The following UNKL variants were observed in gnomAD, a reference collection of about 807,000 sequenced individuals.
The protein encoded by UNKL is putative E3 ubiquitin-protein ligase UNKL.
A neutral mutation model predicts 78.0 loss-of-function variants in UNKL; 60 were observed. The observed-to-expected ratio is 0.77, with a 90% CI of 0.63 to 0.95. The LOEUF is 0.95. UNKL is among the 40% of genes least tolerant of loss of function. The pLI is 0.00. For missense variants in UNKL, 1,159 were observed against 1,045.7 expected (o/e 1.11, Z -1.49); for synonymous variants, 608 against 474.8 (o/e 1.28, Z -3.65).
Position 1,366,317 on chromosome 16 carries a change from G to A in UNKL, c.2125C>T (p.His709Tyr). The A allele has an allele frequency of 6.2e-7, 1 of 1,603,088 alleles. No individual in the cohort carries two copies. The highest frequency in any genetic ancestry group is 8.5e-7 in the Non-Finnish European group (1 of 1,176,100). The change falls in exon 15 of 15, where the codon CAC (histidine) becomes TAC (tyrosine). Residue 709 changes from histidine (H) to tyrosine (Y), a missense_variant. His to Tyr is a moderately conservative substitution (Grantham distance 83). Transcript: ENST00000389221. ...AHGAVLRPCQ[H>Y]HILCEPCAAT... is the part of the protein sequence containing the mutation. ...GCACACGGCTCACAGAGGATGTGGT[G>A]CTGACAGGGCCGCAGGACAGCACCG...
In UNKL at chr16:1,404,434, G is replaced by C. The variant is rs1177965424; in HGVS notation, c.288-1090C>G. On this transcript the variant is annotated intron_variant, in intron 2 of 14. Transcript: ENST00000389221. ...TCTAAGGTCAGGAAACAGAGACACA[G>C]AGTTCAGAGAGGCCGACCCAGGCTC... Among the ~76,000 whole-genome samples, 4 of 152,228 alleles carry C rather than the reference G, an allele frequency of 2.6e-5. No individual in the cohort carries two copies. The East Asian group carries it at 7.7e-4, about 29-fold the overall frequency.
In UNKL at chr16:1,403,268, T is replaced by C. The variant is rs764420372; in HGVS notation, c.364A>G (p.Ile122Val). 4 of 1,614,102 alleles carry C rather than the reference T, an allele frequency of 2.5e-6. No individual in the cohort carries two copies. The highest frequency in any genetic ancestry group is 3.4e-6 in the Non-Finnish European group (4 of 1,180,042). ...TGGCCACGTGCGTCTGTCTCGTGGA[T>C]GCAGGTTCCTGTTTTGTAGTAACGC... is the stretch of plus-strand genomic sequence containing the variant. ...HLRYYKTGTC[I>V]HETDARGHCV... The change falls in exon 3 of 15, where the codon ATC becomes GTC. Residue 122 changes from isoleucine to valine, a missense_variant. Ile to Val is a conservative substitution (Grantham distance 29). Coordinates refer to ENST00000389221, the MANE Select transcript of UNKL (RefSeq NM_001372107.1). This position sits in a 1 kb window ranked among gnomAD's most constrained non-coding sequence, Gnocchi z 4.8.
At chr16:1,391,025 C>T (rs1250119884) in intron 8 of UNKL, among the ~76,000 whole-genome samples, 4 of 151,762 alleles carry the variant, frequency 2.6e-5, no homozygotes, top group Non-Finnish European at 4.4e-5. Flanking sequence ...AGTGAAACTC[C>T]GTCTCAAAAA....
chr16:1,394,315 C>G (rs764933580), intron 6 of UNKL, 100 bp from the exon 7 acceptor site: 260 of 1,373,082 alleles, frequency 1.9e-4, no homozygotes, highest in Non-Finnish European at 2.5e-4. Context: ...AGCTCCAAAT[C>G]GTAACAAGAC....
intron 11 of UNKL, among the ~76,000 whole-genome samples, chr16:1,371,190 C>T (rs922284395): frequency 1.3e-5 from 2 of 152,302 alleles, no homozygotes; most frequent in East Asian, 1.9e-4. Flanking sequence ...GGAAAGGCCC[C>T]GCCTGTCTCT....
In UNKL at chr16:1,414,704, C is replaced by T; in HGVS notation, c.-13G>A. 2 of 1,107,902 alleles carry T rather than the reference C, an allele frequency of 1.8e-6. No individual in the cohort carries two copies. Among genetic ancestry groups the T allele is most frequent in the Non-Finnish European group, 2.2e-6 (2 of 899,836 alleles). 68.6% of individuals were successfully genotyped at this position (1,107,902 alleles called of 1,614,324 possible). A position where few individuals can be genotyped will look rare whatever the true frequency, so the allele number is the denominator to read the frequency against. ...AAACCGACGGCATTTTCAGTCAAAA[C>T]AATGCAGCGCGCATGCGCCGCGCCG... On this transcript the variant is annotated 5_prime_UTR_variant, in exon 1 of 15. Transcript: ENST00000389221.
intron 2 of UNKL, among the ~76,000 whole-genome samples, chr16:1,405,243 A>G (rs1346295920): frequency 3.2e-5 from 4 of 124,778 alleles, no homozygotes; most frequent in Admixed American, 8.2e-5. Context: ...GAAGGAAGGG[A>G]GGGAGGGAGA....
At chr16:1,409,919 A>C (rs749543512) in intron 2 of UNKL, among the ~76,000 whole-genome samples, 1 of 151,936 alleles carries the variant, frequency 6.6e-6, no homozygotes, top group Non-Finnish European at 1.5e-5. Flanking sequence ...ATCTCTACTA[A>C]AAACACAAAA....
At chr16:1,410,545 T>C (rs536899234) in intron 2 of UNKL, among the ~76,000 whole-genome samples, 8 of 152,108 alleles carry the variant, frequency 5.3e-5, no homozygotes, top group Non-Finnish European at 1.0e-4. Context: ...AGGTAGAGGT[T>C]GCGGTGAGCC....
chr16:1,366,365 C>G lies in UNKL; in HGVS notation c.2077G>C (p.Val693Leu). 1.2e-6 allele frequency: 2 copies of G among 1,602,686 alleles called. No homozygotes were observed. Among genetic ancestry groups the G allele is most frequent in the Non-Finnish European group, 1.7e-6 (2 of 1,174,248 alleles). The change falls in exon 15 of 15, where the codon GTG (valine) becomes CTG (leucine). Residue 693 changes from valine to leucine, a missense_variant. Val to Leu is a conservative substitution (Grantham distance 32). Coordinates refer to ENST00000389221, the MANE Select transcript of UNKL (RefSeq NM_001372107.1). ...VIFQLRAKQC[V>L]ACRERAHGAV... ...CCGTGGGCCCGCTCCCGGCAGGCCA[C>G]ACACTGCTTGGCGCGGAGCTGGAAG... is the stretch of plus-strand genomic sequence containing the variant.
At chr16:1,368,182 C>T (rs1383780001) in intron 12 of UNKL, 1 of 414,188 alleles carries the variant, frequency 2.4e-6, no homozygotes, top group African/African-American at 2.0e-5. Context: ...CAGTGGTTCT[C>T]AGACTCCACT....
chr16:1,397,206 G>C lies in UNKL; in HGVS notation c.824C>G (p.Ser275Cys). ...GGGATGGAACTGCTGCTCCGTGCGG[G>C]AGTGGCAATACTGGCAGCCGTCGCC... is the stretch of plus-strand genomic sequence containing the variant. ...DGGDGCQYCHSRTEQQFHPEI... is the reference protein window; with the variant it reads ...DGGDGCQYCHCRTEQQFHPEI... Residue 275 changes from serine (S) to cysteine (C), a missense_variant, in exon 6 of 15, where the codon TCC becomes TGC. By Grantham distance (112) the Ser-to-Cys change is moderately radical. Transcript: ENST00000389221. 6.5e-7 allele frequency: 1 copy of C among 1,547,174 alleles called. No individual in the cohort carries two copies. The highest frequency in any genetic ancestry group is 1.2e-5 in the South Asian group (1 of 83,998).
chr16:1,384,188 CG>C (rs1424725399), intron 10 of UNKL, among the ~76,000 whole-genome samples: 1 of 152,112 alleles, frequency 6.6e-6, no homozygotes. Flanking sequence ...AAGCCCTGCA[CG>C]GGTGTGGCCA....
At chr16:1,369,800 C>T (rs1479570917) in intron 12 of UNKL, 17 of 755,718 alleles carry the variant, frequency 2.2e-5, no homozygotes, top group African/African-American at 8.8e-5. Context: ...CGTGATGAAA[C>T]GCCATCTCTA....
rs368812211 is a variant in UNKL at position 1,392,913 on chromosome 16, G to A, written c.1001C>T (p.Thr334Met). The A allele has an allele frequency of 1.0e-4, 158 of 1,550,464 alleles. 2 individuals carry two copies. The highest frequency in any genetic ancestry group is 6.1e-4 in the South Asian group (51 of 84,070). ...TACATTTCCCGGCTGGCCGCTGCCC[G>A]TGGAGGAAGGACTCGTGAGGTGGAG... ...HDLHLTSPSS[T>M]GSGQPGNAKR... Residue 334 changes from threonine to methionine, a missense_variant, in exon 8 of 15, where the codon ACG becomes ATG. Coordinates refer to ENST00000389221, the MANE Select transcript of UNKL (RefSeq NM_001372107.1).
In UNKL at chr16:1,403,807, G is replaced by A; in HGVS notation, c.288-463C>T. Among the ~76,000 whole-genome samples, 1 of 152,178 alleles carries A rather than the reference G, an allele frequency of 6.6e-6. No individual in the cohort carries two copies. The highest frequency in any genetic ancestry group is 1.5e-5 in the Non-Finnish European group (1 of 68,030). ...CTGCTGCTTTCAGGGACCCCAGGAG[G>A]GAGGTAGGGGAGGGAACAAGCACAG... is the stretch of plus-strand genomic sequence containing the variant. On this transcript the variant is annotated intron_variant, in intron 2 of 14. Coordinates refer to ENST00000389221, the MANE Select transcript of UNKL (RefSeq NM_001372107.1). This position sits in a 1 kb window ranked among gnomAD's most constrained non-coding sequence, Gnocchi z 4.8.
intron 2 of UNKL, among the ~76,000 whole-genome samples, chr16:1,405,298 A>T (rs2037704722): frequency 6.7e-6 from 1 of 148,942 alleles, no homozygotes; most frequent in African/African-American, 2.6e-5. Flanking sequence ...GAAGGAAGGC[A>T]GGCAGCCAGC....
chr16:1,368,368 C>T (rs1032495374), intron 12 of UNKL, among the ~76,000 whole-genome samples: 8 of 151,902 alleles, frequency 5.3e-5, no homozygotes, highest in Non-Finnish European at 5.9e-5. Context: ...TTTGGGAGGC[C>T]GAGGCGGGTG....
intron 10 of UNKL, among the ~76,000 whole-genome samples, chr16:1,372,573 G>A (rs1010077822): frequency 1.3e-5 from 2 of 152,164 alleles, no homozygotes; most frequent in Non-Finnish European, 1.5e-5. Context: ...CCATCATGAG[G>A]AGGCTGAGCT....
Sources: allele counts gnomAD v4.1 joint callset (sites outside exome capture counted in the v4.1 genomes callset), GRCh38; gene constraint gnomAD v4.1.1; non-coding constraint Gnocchi (gnomAD v3.1); transcripts MANE v1.5; gene names NCBI Gene and HGNC (gene_info 2026-07-23, HGNC 2026-07-21).